Variants in SDHAF3 observed in about 807,000 individuals in gnomAD.
SDHAF3 encodes succinate dehydrogenase assembly factor 3, mitochondrial.
SDHAF3 carries 18 observed loss-of-function variants against 11.5 expected under a neutral mutation model. The ratio of observed to expected loss-of-function variants is 1.56; its 90% CI spans 1.08 to 2.32. The LOEUF (loss-of-function observed/expected upper bound fraction) is 2.32, where lower values mean the gene tolerates loss of function less well. Among genes scored for constraint, SDHAF3 ranks in the 30% most tolerant of loss-of-function variants. SDHAF3 has a pLI of 0.00. For synonymous variants in SDHAF3, 72 were observed against 59.3 expected, an observed-to-expected ratio of 1.21 and a Z score of -0.99; for missense variants, 200 against 154.4, an observed-to-expected ratio of 1.30 and a Z score of -1.57.
intron 1 of SDHAF3, among the ~76,000 whole-genome samples, chr7:97,120,701 A>G (rs1035311894): frequency 6.6e-6 from 1 of 152,186 alleles, no homozygotes; most frequent in African/African-American, 2.4e-5. Flanking sequence ...AGTCTGGTCT[A>G]CACGATCCCA....
intron 1 of SDHAF3, among the ~76,000 whole-genome samples, chr7:97,176,746 C>T (rs984081300): frequency 1.5e-4 from 23 of 152,094 alleles, no homozygotes; most frequent in African/African-American, 5.3e-4. Context: ...TTCTACTTTC[C>T]ATAAGAAACA....
chr7:97,169,654 T>G lies in SDHAF3; in HGVS notation c.175-11358T>G, dbSNP rs1789573859. Among the ~76,000 whole-genome samples the G allele has an allele frequency of 3.3e-5, 5 of 152,228 alleles. No individual in the cohort carries two copies. The South Asian group carries it at 1.0e-3, about 32-fold the overall frequency. ...AATTTTTTTAAATATAGAATTAACC[T>G]GCATTACAGATGAACAGGTAGTTAA... On this transcript the variant is annotated intron_variant, in intron 1 of 1. Coordinates refer to ENST00000432641, the MANE Select transcript of SDHAF3 (RefSeq NM_020186.3).
At chr7:97,179,723 C>T (rs891621437) in intron 1 of SDHAF3, among the ~76,000 whole-genome samples, 2 of 151,976 alleles carry the variant, frequency 1.3e-5, no homozygotes, top group African/African-American at 2.4e-5. Flanking sequence ...CCCCTACCCC[C>T]CCTACACACA....
intron 1 of SDHAF3, among the ~76,000 whole-genome samples, chr7:97,132,291 T>A (rs1791682479): frequency 6.6e-6 from 1 of 152,230 alleles, no homozygotes; most frequent in African/African-American, 2.4e-5. Context: ...GTTAATGTCA[T>A]CTATATATTT....
At position 97,181,292 on chromosome 7, in the gene SDHAF3, T is replaced by A; in HGVS notation, c.*77T>A. The A allele has an allele frequency of 8.9e-7, 1 of 1,129,384 alleles. No individual in the cohort carries two copies. The highest frequency in any genetic ancestry group is 1.6e-5 in the South Asian group (1 of 61,886). The allele number at this position is 1,129,384 out of a possible 1,614,324, so 70.0% of individuals were successfully genotyped here. On this transcript the variant is annotated 3_prime_UTR_variant, in exon 2 of 2. Transcript: ENST00000432641. ...AACTGTCATTGGTTTTTGAAATATA[T>A]TTAAGCTTTGAAAACACCTGTTATT... is the stretch of plus-strand genomic sequence containing the variant.
chr7:97,159,980 T>C (rs1355983882), intron 1 of SDHAF3, among the ~76,000 whole-genome samples: 1 of 152,194 alleles, frequency 6.6e-6, no homozygotes, highest in East Asian at 1.9e-4. Context: ...CTGATGACAT[T>C]AGGAAAGGAA....
At chr7:97,140,931 A>G (rs1234409529) in intron 1 of SDHAF3, among the ~76,000 whole-genome samples, 3 of 152,246 alleles carry the variant, frequency 2.0e-5, no homozygotes, top group Admixed American at 6.5e-5. Context: ...GAACAGAGCC[A>G]TATTTCTCTT....
Position 97,181,105 on chromosome 7 carries a change from C to T in SDHAF3, c.268C>T (p.Leu90Phe). The T allele has an allele frequency of 6.2e-7, 1 of 1,613,974 alleles. No individual in the cohort carries two copies. Among genetic ancestry groups the T allele is most frequent in the Non-Finnish European group, 8.5e-7 (1 of 1,179,932 alleles). The change falls in exon 2 of 2, where the codon CTT (leucine) becomes TTT (phenylalanine). Residue 90 changes from leucine (L) to phenylalanine (F), a missense_variant. By Grantham distance (22) the Leu-to-Phe change is conservative. Transcript: ENST00000432641. ...CFGTFLPEEK[L>F]NDFRDEQIGQ... ...TGGCACCTTCCTCCCAGAAGAAAAA[C>T]TTAATGACTTTCGTGATGAACAAAT...
chr7:97,141,627 C>T (rs1283760288), intron 1 of SDHAF3, among the ~76,000 whole-genome samples: 1 of 152,104 alleles, frequency 6.6e-6, no homozygotes, highest in African/African-American at 2.4e-5. Context: ...GTCTCATGCT[C>T]TACTGACTAG....
chr7:97,133,934 A>G (rs1277590787), intron 1 of SDHAF3, among the ~76,000 whole-genome samples: 3 of 152,232 alleles, frequency 2.0e-5, no homozygotes, highest in Non-Finnish European at 2.9e-5. Flanking sequence ...ACAAAAACCC[A>G]AGGCCAAAAC....
intron 1 of SDHAF3, among the ~76,000 whole-genome samples, chr7:97,162,375 A>G (rs182092334): frequency 5.7e-4 from 86 of 151,938 alleles, no homozygotes; most frequent in South Asian, 1.5e-3. Flanking sequence ...TTGTGTCTCT[A>G]TCTCCTTCAG....
intron 1 of SDHAF3, among the ~76,000 whole-genome samples, chr7:97,145,187 A>G (rs1268242413): frequency 1.3e-5 from 2 of 151,514 alleles, no homozygotes; most frequent in Non-Finnish European, 2.9e-5. Flanking sequence ...GAATTCCTTT[A>G]TCAGTTCTAG....
intron 1 of SDHAF3, among the ~76,000 whole-genome samples, chr7:97,173,098 C>T (rs1434124610): frequency 6.6e-6 from 1 of 152,220 alleles, no homozygotes; most frequent in Non-Finnish European, 1.5e-5. Flanking sequence ...GAATCTAATG[C>T]CACTGCTGAC....
chr7:97,177,488 C>T (rs917581219), intron 1 of SDHAF3, among the ~76,000 whole-genome samples: 7 of 151,624 alleles, frequency 4.6e-5, no homozygotes, highest in Admixed American at 2.0e-4. Flanking sequence ...GGCAACAGAG[C>T]GAGACTCCGT....
At chr7:97,173,573 G>T (rs1789636948) in intron 1 of SDHAF3, among the ~76,000 whole-genome samples, 2 of 4,900 alleles carry the variant, frequency 4.1e-4, no homozygotes, top group African/African-American at 5.3e-4. Flanking sequence ...TGAGATGAGA[G>T]TCTCACTCTC....
At chr7:97,125,865 T>G (rs1562819548) in intron 1 of SDHAF3, among the ~76,000 whole-genome samples, 1 of 152,214 alleles carries the variant, frequency 6.6e-6, no homozygotes, top group Non-Finnish European at 1.5e-5. Flanking sequence ...CCATCCAGTT[T>G]TGTGTCCTTG....
At chr7:97,122,755 T>C (rs1013569660) in intron 1 of SDHAF3, among the ~76,000 whole-genome samples, 2 of 152,100 alleles carry the variant, frequency 1.3e-5, no homozygotes, top group Admixed American at 6.5e-5. Flanking sequence ...AGGAGACAGA[T>C]TGTGGCTGGA....
At chr7:97,135,683 T>TATATATATA (rs367669649) in intron 1 of SDHAF3, 2 of 62,896 alleles carry the variant, frequency 3.2e-5, no homozygotes, top group African/African-American at 1.2e-4. Flanking sequence ...TATATATATA[T>TATATATATA]TTTTTTTTTT....
At chr7:97,172,662 G>A (rs1789618942) in intron 1 of SDHAF3, among the ~76,000 whole-genome samples, 1 of 152,108 alleles carries the variant, frequency 6.6e-6, no homozygotes, top group African/African-American at 2.4e-5. Flanking sequence ...AATATTAATG[G>A]TACACAAAGT....
Sources: gnomAD v4.1 joint callset for allele counts (sites outside exome capture counted in the v4.1 genomes callset) on GRCh38, gnomAD v4.1.1 for gene constraint, MANE v1.5 for transcripts, NCBI Gene and HGNC (gene_info 2026-07-23, HGNC 2026-07-21) for gene names.